The following PATJ variants were observed in gnomAD, a reference collection of about 807,000 sequenced individuals.
PATJ encodes PATJ crumbs cell polarity complex component, also known as inaD-like protein.
PATJ carries 190 observed loss-of-function variants against 224.9 expected under a neutral mutation model. The observed-to-expected ratio is 0.84, with a 90% CI of 0.75 to 0.95. The LOEUF (loss-of-function observed/expected upper bound fraction) is 0.95, where lower values mean the gene tolerates loss of function less well. Ranked by LOEUF, PATJ falls within the 40% of genes least tolerant of loss-of-function variation. The pLI, the probability that PATJ is intolerant of heterozygous loss-of-function variation, is 0.00. For synonymous variants in PATJ, 769 were observed against 820.3 expected, an observed-to-expected ratio of 0.94 and a Z score of 1.07; for missense variants, 2,121 against 2,270.3, an observed-to-expected ratio of 0.93 and a Z score of 1.34.
intron 22 of PATJ, among the ~76,000 whole-genome samples, chr1:61,897,075 G>A (rs1387336515): frequency 6.6e-6 from 1 of 151,938 alleles, no homozygotes; most frequent in African/African-American, 2.4e-5. Flanking sequence ...AAACGATGAA[G>A]GTAATGATAC....
intron 25 of PATJ, among the ~76,000 whole-genome samples, chr1:61,910,653 C>A (rs967021086): frequency 4.0e-4 from 55 of 138,850 alleles, no homozygotes; most frequent in African/African-American, 1.4e-3. Flanking sequence ...CTCAAGCAAT[C>A]TTCCCAGTTC....
At chr1:61,950,190 C>T (rs371561339) in intron 27 of PATJ, among the ~76,000 whole-genome samples, 4 of 152,064 alleles carry the variant, frequency 2.6e-5, no homozygotes, top group African/African-American at 7.2e-5. Flanking sequence ...GGTGACAGAG[C>T]GAGACTCCAC....
In PATJ at chr1:61,899,663, A is replaced by G. The variant is rs192146293; in HGVS notation, c.3203+9A>G. The G allele has an allele frequency of 7.7e-5, 123 of 1,595,186 alleles. No individual in the cohort carries two copies. Among genetic ancestry groups the G allele is most frequent in the Admixed American group, 1.6e-4 (9 of 56,332 alleles). ...TGGGGTCCACCGAGAATGTATGTGGATGACATTATTGTGGCTTTCTCAATA... is the reference window on the plus strand; with the variant it reads ...TGGGGTCCACCGAGAATGTATGTGGGTGACATTATTGTGGCTTTCTCAATA... On this transcript the variant is annotated intron_variant, in intron 23 of 43. Transcript: ENST00000642238.
rs1321074864 is a variant in PATJ, at chr1:61,822,419, G to C, written c.1684-526G>C. Among the ~76,000 whole-genome samples the C allele has an allele frequency of 4.2e-5, 5 of 119,224 alleles. No individual in the cohort carries two copies. In the South Asian group the frequency reaches 1.4e-3, roughly 34 times the overall value. 78.2% of individuals were successfully genotyped at this position (119,224 alleles called of 152,430 possible). A position where few individuals can be genotyped will look rare whatever the true frequency, so the allele number is the denominator to read the frequency against. On this transcript the variant is annotated intron_variant, in intron 14 of 43. Coordinates refer to ENST00000642238, the MANE Select transcript of PATJ (RefSeq NM_001350145.3). The stretch of plus-strand genomic sequence containing the variant: ...CACTCCAGCCTAGGCAACAGAGCGA[G>C]ACTGTGTCAGAAAAAAAAAAAAAAA...
At chr1:62,112,573 G>T (rs567803669) in intron 34 of PATJ, among the ~76,000 whole-genome samples, 1 of 152,316 alleles carries the variant, frequency 6.6e-6, no homozygotes, top group African/African-American at 2.4e-5. Context: ...AGGTTCAGAG[G>T]CTGGCCTGAC....
intron 7 of PATJ, among the ~76,000 whole-genome samples, chr1:61,786,913 G>A (rs1367031094): frequency 1.3e-5 from 2 of 152,130 alleles, no homozygotes; most frequent in Non-Finnish European, 2.9e-5. Flanking sequence ...TTGAACCTGG[G>A]AGGCGGAGGT....
chr1:62,028,238 G>A (rs1648414516), intron 29 of PATJ, among the ~76,000 whole-genome samples: 1 of 151,982 alleles, frequency 6.6e-6, no homozygotes, highest in South Asian at 2.1e-4. Context: ...TGTTGCTCAG[G>A]CTGGAGAGTA....
intron 1 of PATJ, among the ~76,000 whole-genome samples, chr1:61,743,722 C>T (rs1189619295): frequency 6.6e-6 from 1 of 152,146 alleles, no homozygotes; most frequent in Admixed American, 6.5e-5. Context: ...AGCCTTTTAG[C>T]TAAAGTGAGC....
chr1:62,159,440 C>T (rs545502211), intron 43 of PATJ, among the ~76,000 whole-genome samples: 1 of 152,198 alleles, frequency 6.6e-6, no homozygotes, highest in Non-Finnish European at 1.5e-5. Context: ...GATCCTCCTG[C>T]CTTGACCACC....
At chr1:61,812,803 T>G (rs935272267) in intron 14 of PATJ, among the ~76,000 whole-genome samples, 3 of 151,840 alleles carry the variant, frequency 2.0e-5, no homozygotes, top group Non-Finnish European at 4.4e-5. Flanking sequence ...GAGCCAAGAT[T>G]GTGCCACTGG....
chr1:62,100,559 C>T (rs993113338), intron 33 of PATJ, among the ~76,000 whole-genome samples: 1 of 152,238 alleles, frequency 6.6e-6, no homozygotes, highest in Admixed American at 6.5e-5. Context: ...GTCACAATGG[C>T]AATTAAATTT....
chr1:62,110,680 T>C (rs1462452145), intron 34 of PATJ, among the ~76,000 whole-genome samples: 1 of 152,012 alleles, frequency 6.6e-6, no homozygotes, highest in Non-Finnish European at 1.5e-5. Flanking sequence ...CAGAAGAGAG[T>C]AGAGAGTTAA....
chr1:62,051,387 A>G (rs1263562405), intron 31 of PATJ, among the ~76,000 whole-genome samples: 1 of 151,868 alleles, frequency 6.6e-6, no homozygotes, highest in Non-Finnish European at 1.5e-5. Flanking sequence ...ACAGTGGTGC[A>G]ATGATCTCAG....
chr1:61,930,554 T>A (rs1317745052), intron 27 of PATJ, among the ~76,000 whole-genome samples: 1 of 152,104 alleles, frequency 6.6e-6, no homozygotes, highest in Non-Finnish European at 1.5e-5. Context: ...ATTAGAGAGA[T>A]CCAGGGATGA....
At chr1:61,965,142 A>AG (rs1184982342) in intron 27 of PATJ, among the ~76,000 whole-genome samples, 2 of 102,320 alleles carry the variant, frequency 2.0e-5, no homozygotes, top group Admixed American at 9.1e-5. Context: ...AAAAAAAAAA[A>AG]AAAAAAAAAA....
intron 41 of PATJ, among the ~76,000 whole-genome samples, chr1:62,135,643 A>G (rs1036517063): frequency 3.3e-5 from 5 of 152,128 alleles, no homozygotes; most frequent in African/African-American, 1.2e-4. Flanking sequence ...TAGGAGAGGT[A>G]GGCTGTAGTG....
At chr1:61,929,355 C>A (rs879804251) in intron 27 of PATJ, among the ~76,000 whole-genome samples, 3 of 152,182 alleles carry the variant, frequency 2.0e-5, no homozygotes, top group Admixed American at 2.0e-4. Flanking sequence ...TTAACTTCTT[C>A]ATGATTCACA....
chr1:61,858,083 G>A (rs2148919162), intron 18 of PATJ, among the ~76,000 whole-genome samples: 1 of 152,262 alleles, frequency 6.6e-6, no homozygotes. Context: ...CAATTTGTAA[G>A]AAAGAGGTTT....
chr1:61,836,444 G>C (rs1445838383), intron 17 of PATJ, among the ~76,000 whole-genome samples: 1 of 152,148 alleles, frequency 6.6e-6, no homozygotes, highest in South Asian at 2.1e-4. Flanking sequence ...AGGCCATTTT[G>C]ATTCAGATTA....
Sources: allele counts gnomAD v4.1 joint callset (sites outside exome capture counted in the v4.1 genomes callset), GRCh38; gene constraint gnomAD v4.1.1; transcripts MANE v1.5; gene names NCBI Gene and HGNC (gene_info 2026-07-23, HGNC 2026-07-21).